The following CTNNA2 variants were observed in gnomAD, a reference collection of about 807,000 sequenced individuals.
The protein encoded by CTNNA2 is catenin alpha 2.
Under a neutral mutation model 101.0 loss-of-function variants are expected in CTNNA2, and 42 were observed. That is an observed-to-expected ratio of 0.42 (90% CI 0.32 to 0.54). The LOEUF is 0.54. CTNNA2 is among the 20% of genes least tolerant of loss of function. The pLI is 0.14. For missense variants in CTNNA2, 871 were observed against 1,223.1 expected (o/e 0.71, Z 4.29); for synonymous variants, 450 against 456.4 (o/e 0.99, Z 0.18).
intron 7 of CTNNA2, among the ~76,000 whole-genome samples, chr2:80,269,891 G>A (rs1029416640): frequency 4.6e-5 from 7 of 151,994 alleles, no homozygotes; most frequent in Non-Finnish European, 7.4e-5. Flanking sequence ...CACCTCTAGC[G>A]TTTTCTTAAA....
At chr2:79,616,918 T>TTTTTTTTTTTTTTC (rs796199835) in intron 1 of CTNNA2, among the ~76,000 whole-genome samples, 20 of 151,398 alleles carry the variant, frequency 1.3e-4, no homozygotes, top group African/African-American at 4.9e-4. Context: ...TCTTTTTTTT[T>TTTTTTTTTTTTTTC]CGAGACACAG....
At chr2:79,288,946 C>A (rs1026597965) in intron 2 of CTNNA2, among the ~76,000 whole-genome samples, 3 of 145,014 alleles carry the variant, frequency 2.1e-5, no homozygotes, top group Admixed American at 2.0e-4. Context: ...AAAAAGAAAA[C>A]AAGTCACTTA....
chr2:79,328,274 T>C (rs896774799), intron 3 of CTNNA2, among the ~76,000 whole-genome samples: 2 of 151,984 alleles, frequency 1.3e-5, no homozygotes, highest in East Asian at 1.9e-4. Context: ...AGAGGAAGCA[T>C]GTTTTCAAGG....
intron 12 of CTNNA2, among the ~76,000 whole-genome samples, chr2:80,572,090 G>C (rs1402957885): frequency 1.3e-5 from 2 of 152,126 alleles, no homozygotes; most frequent in African/African-American, 4.8e-5. Context: ...CAAAGCACTT[G>C]CCGAAATGAT....
intron 2 of CTNNA2, among the ~76,000 whole-genome samples, chr2:79,257,989 A>C (rs541423925): frequency 6.6e-6 from 1 of 152,008 alleles, no homozygotes. Context: ...TCTAACTCCA[A>C]TTTCTGCCTC....
chr2:79,838,616 T>G (rs113332342), intron 3 of CTNNA2, among the ~76,000 whole-genome samples: 5 of 152,168 alleles, frequency 3.3e-5, no homozygotes, highest in African/African-American at 1.2e-4. Context: ...CAGCTTTAAC[T>G]CCTGAACATA....
intron 7 of CTNNA2, among the ~76,000 whole-genome samples, chr2:80,348,084 C>T (rs1452415133): frequency 1.3e-5 from 2 of 152,092 alleles, no homozygotes; most frequent in Non-Finnish European, 2.9e-5. Flanking sequence ...GAATGCATCT[C>T]AGGCACATGT....
chr2:80,047,986 G>A (rs1261806653), intron 7 of CTNNA2, among the ~76,000 whole-genome samples: 1 of 152,070 alleles, frequency 6.6e-6, no homozygotes, highest in Non-Finnish European at 1.5e-5. Flanking sequence ...GTGTTTTATT[G>A]CCCCTATGGC....
Position 79,908,836 on chromosome 2 carries a change from G to A in CTNNA2, c.853-758G>A, listed in dbSNP as rs371607398. 2.1e-4 allele frequency among the ~76,000 whole-genome samples: 32 copies of A among 152,254 alleles called. No homozygotes were observed. In the Middle Eastern group the frequency reaches 0.014, roughly 65 times the overall value. On this transcript the variant is annotated intron_variant, in intron 6 of 18. Coordinates refer to ENST00000402739, the MANE Select transcript of CTNNA2 (RefSeq NM_001282597.3). ...CTGTTATAGCTCCTGAATTTTGGAC[G>A]CATATTTCCATCTACCTCGGGGCAT...
chr2:79,654,914 C>G (rs893529538), intron 2 of CTNNA2, among the ~76,000 whole-genome samples: 4 of 152,068 alleles, frequency 2.6e-5, no homozygotes, highest in Non-Finnish European at 5.9e-5. Context: ...GCAGTAAGAA[C>G]AAAATTGAGG....
chr2:79,578,045 C>T (rs558980942), intron 1 of CTNNA2, among the ~76,000 whole-genome samples: 2 of 152,158 alleles, frequency 1.3e-5, no homozygotes, highest in South Asian at 4.2e-4. Context: ...CAAAAATTAC[C>T]GATTCTTATG....
chr2:79,332,898 A>G (rs1226291228), intron 3 of CTNNA2, among the ~76,000 whole-genome samples: 1 of 152,170 alleles, frequency 6.6e-6, no homozygotes, highest in African/African-American at 2.4e-5. Flanking sequence ...TAATGCTCCA[A>G]TGGTGTGCAG....
intron 3 of CTNNA2, among the ~76,000 whole-genome samples, chr2:79,783,997 T>A (rs1573960483): frequency 6.6e-6 from 1 of 152,180 alleles, no homozygotes; most frequent in Non-Finnish European, 1.5e-5. Context: ...TATTTTAGCT[T>A]TATGATTAAA....
chr2:80,138,206 A>G (rs1001838608), intron 7 of CTNNA2, among the ~76,000 whole-genome samples: 3 of 152,132 alleles, frequency 2.0e-5, no homozygotes, highest in Non-Finnish European at 4.4e-5. Flanking sequence ...CCTGGATCTG[A>G]TATGGCTCCT....
At chr2:80,621,116 G>A (rs933646325) in intron 18 of CTNNA2, among the ~76,000 whole-genome samples, 9 of 151,870 alleles carry the variant, frequency 5.9e-5, no homozygotes, top group African/African-American at 1.7e-4. Context: ...CTATCTCTGC[G>A]CTTGACTTGT....
chr2:79,931,040 T>C (rs1201273175), intron 7 of CTNNA2, among the ~76,000 whole-genome samples: 1 of 152,220 alleles, frequency 6.6e-6, no homozygotes, highest in African/African-American at 2.4e-5. Flanking sequence ...TCTGGTGATT[T>C]TGATTAGACA....
intron 3 of CTNNA2, among the ~76,000 whole-genome samples, chr2:79,787,327 C>T (rs1317248512): frequency 2.0e-5 from 3 of 151,932 alleles, no homozygotes; most frequent in Admixed American, 6.6e-5. Flanking sequence ...TATTAAAGTG[C>T]TATACAATTA....
At chr2:80,285,689 G>A (rs1028466899) in intron 7 of CTNNA2, among the ~76,000 whole-genome samples, 1 of 152,132 alleles carries the variant, frequency 6.6e-6, no homozygotes, top group African/African-American at 2.4e-5. Context: ...GCAAATGAAT[G>A]TCCCTTCAGA....
intron 9 of CTNNA2, among the ~76,000 whole-genome samples, chr2:80,535,464 TTTTATA>T (rs1690927176): frequency 6.6e-6 from 1 of 152,298 alleles, no homozygotes; most frequent in Non-Finnish European, 1.5e-5. Flanking sequence ...CATTGTAATA[TTTTATA>T]TTTATATTTT....
Sources: allele counts gnomAD v4.1 joint callset (sites outside exome capture counted in the v4.1 genomes callset), GRCh38; gene constraint gnomAD v4.1.1; transcripts MANE v1.5; gene names NCBI Gene and HGNC (gene_info 2026-07-23, HGNC 2026-07-21).